Variants in MRPS27 observed in about 807,000 individuals in gnomAD.
MRPS27 encodes the protein small ribosomal subunit protein mS27.
A neutral mutation model predicts 48.9 loss-of-function variants in MRPS27; 43 were observed. The observed-to-expected ratio is 0.88, with a 90% CI of 0.69 to 1.13. The LOEUF is 1.13. Among genes scored for constraint, MRPS27 ranks in the 50% most tolerant of loss-of-function variants. MRPS27 has a pLI of 0.00. For missense variants in MRPS27, 467 were observed against 476.3 expected (o/e 0.98, Z 0.18); for synonymous variants, 188 against 171.9 (o/e 1.09, Z -0.73).
chr5:72,314,807 C>CA (rs778220055), intron 1 of MRPS27: 1 of 152,244 alleles, frequency 6.6e-6, no homozygotes, highest in Non-Finnish European at 1.5e-5. Flanking sequence ...GAACCAAAAA[C>CA]ACCTGCTGAC....
chr5:72,272,754 T>C (rs962752335), intron 4 of MRPS27, among the ~76,000 whole-genome samples: 2 of 152,050 alleles, frequency 1.3e-5, no homozygotes, highest in Non-Finnish European at 2.9e-5. Context: ...TGACACAGAA[T>C]GGGTGAAGAA....
At chr5:72,286,966 C>T (rs908669146) in intron 4 of MRPS27, among the ~76,000 whole-genome samples, 1 of 152,300 alleles carries the variant, frequency 6.6e-6, no homozygotes, top group Admixed American at 6.5e-5. Flanking sequence ...GGGTCTCCAA[C>T]CCCCAGGCTG....
chr5:72,295,684 G>T, intron 3 of MRPS27, 95 bp from the exon 4 acceptor site: 1 of 882,634 alleles, frequency 1.1e-6, no homozygotes, highest in Non-Finnish European at 1.9e-6. Flanking sequence ...GAAAACACAG[G>T]ACACCCATTT....
At chr5:72,241,719 A>T in intron 4 of MRPS27, 1 of 1,531,834 alleles carries the variant, frequency 6.5e-7, no homozygotes, top group South Asian at 1.2e-5. Flanking sequence ...AGAAAAGAAT[A>T]CAACTAACAC....
chr5:72,241,271 G>C (rs1190489077), intron 4 of MRPS27, among the ~76,000 whole-genome samples: 1 of 152,162 alleles, frequency 6.6e-6, no homozygotes, highest in Non-Finnish European at 1.5e-5. Context: ...GGGATTATAG[G>C]CATGAGCCAC....
intron 4 of MRPS27, among the ~76,000 whole-genome samples, chr5:72,269,862 C>T (rs1351631372): frequency 2.0e-5 from 3 of 151,634 alleles, no homozygotes; most frequent in African/African-American, 7.3e-5. Context: ...AATATAAAAG[C>T]CATAAAAAAA....
At chr5:72,289,908 G>C (rs972090508) in intron 4 of MRPS27, among the ~76,000 whole-genome samples, 9 of 152,102 alleles carry the variant, frequency 5.9e-5, no homozygotes, top group South Asian at 2.1e-4. Context: ...TGATTCGAAG[G>C]CCTATGTAAG....
intron 7 of MRPS27, among the ~76,000 whole-genome samples, 167 bp downstream of exon 7, chr5:72,232,276 C>A (rs1343174977): frequency 6.6e-6 from 1 of 152,136 alleles, no homozygotes; most frequent in Non-Finnish European, 1.5e-5. Flanking sequence ...GTGGAAGAAC[C>A]TCCAATTCCA....
intron 4 of MRPS27, 200 bp downstream of exon 4, chr5:72,295,331 A>C (rs753033892): frequency 2.1e-6 from 1 of 487,544 alleles, no homozygotes; most frequent in Non-Finnish European, 3.6e-6. Flanking sequence ...ATAAAAAGGG[A>C]ACTGGTTTAA....
In MRPS27 at chr5:72,252,338, T is replaced by C. The variant is rs566529174; in HGVS notation, c.282-14210A>G. On this transcript the variant is annotated intron_variant, in intron 4 of 10. Transcript: ENST00000261413. ...CATACTAAAGAACTTGCTTTTTTTT[T>C]CTGAGCATTTAGAACTTTTAAAGGA... Among the ~76,000 whole-genome samples the C allele has an allele frequency of 3.3e-5, 5 of 151,584 alleles. No individual in the cohort carries two copies. The East Asian group carries it at 7.7e-4, about 23-fold the overall frequency.
intron 4 of MRPS27, among the ~76,000 whole-genome samples, chr5:72,252,346 T>C (rs868717410): frequency 1.3e-5 from 2 of 152,190 alleles, no homozygotes; most frequent in African/African-American, 4.8e-5. Flanking sequence ...TTTCTGAGCA[T>C]TTAGAACTTT....
chr5:72,274,819 T>C (rs908375525), intron 4 of MRPS27, among the ~76,000 whole-genome samples: 21 of 152,158 alleles, frequency 1.4e-4, no homozygotes, highest in African/African-American at 4.8e-4. Flanking sequence ...CATTAAGTAA[T>C]AGGAATTTTT....
chr5:72,305,392 T>C (rs1373764346), intron 2 of MRPS27, among the ~76,000 whole-genome samples: 2 of 152,138 alleles, frequency 1.3e-5, no homozygotes, highest in African/African-American at 4.8e-5. Flanking sequence ...GCCAAAGGCC[T>C]CTACAGCTGA....
intron 4 of MRPS27, among the ~76,000 whole-genome samples, chr5:72,242,845 G>A (rs1748398596): frequency 6.6e-6 from 1 of 152,134 alleles, no homozygotes; most frequent in Admixed American, 6.5e-5. Context: ...CAGCATTTTC[G>A]GTCTCACAAA....
intron 2 of MRPS27, among the ~76,000 whole-genome samples, chr5:72,299,915 T>C (rs1437014231): frequency 1.3e-5 from 2 of 152,236 alleles, no homozygotes; most frequent in Non-Finnish European, 2.9e-5. Flanking sequence ...GTCTACCAGG[T>C]TACTAGCATC....
chr5:72,290,938 A>G (rs1013345799), intron 4 of MRPS27, among the ~76,000 whole-genome samples: 2 of 152,188 alleles, frequency 1.3e-5, no homozygotes, highest in Non-Finnish European at 2.9e-5. Flanking sequence ...GGGAAAGAGC[A>G]TGACTTCTTA....
rs552712191 is a variant in MRPS27, at chr5:72,255,173, C to T, written c.282-17045G>A. On this transcript the variant is annotated intron_variant, in intron 4 of 10. Transcript: ENST00000261413. ...TCAAGAGATTCTCCTGCCTCAGTCTCCTGAGTAACTGGGATTACGGGCATG... is the reference window on the plus strand; with the variant it reads ...TCAAGAGATTCTCCTGCCTCAGTCTTCTGAGTAACTGGGATTACGGGCATG... Among the ~76,000 whole-genome samples, 36 of 151,204 alleles carry T rather than the reference C, an allele frequency of 2.4e-4. No homozygotes were observed. The South Asian group carries it at 7.1e-3, about 30-fold the overall frequency.
chr5:72,224,974 T>C (rs1040633321), intron 9 of MRPS27, among the ~76,000 whole-genome samples: 1 of 152,222 alleles, frequency 6.6e-6, no homozygotes, highest in Non-Finnish European at 1.5e-5. Flanking sequence ...ATACCACTAA[T>C]ACATCACATC....
intron 4 of MRPS27, among the ~76,000 whole-genome samples, chr5:72,291,767 T>C (rs1166833685): frequency 6.6e-6 from 1 of 152,252 alleles, no homozygotes; most frequent in Non-Finnish European, 1.5e-5. Flanking sequence ...ACAGTTTCTC[T>C]GGCAGAAACA....
Sources: allele counts gnomAD v4.1 joint callset (sites outside exome capture counted in the v4.1 genomes callset), GRCh38; gene constraint gnomAD v4.1.1; transcripts MANE v1.5; gene names NCBI Gene and HGNC (gene_info 2026-07-23, HGNC 2026-07-21).